The following SORCS1 variants were observed in gnomAD, a reference collection of about 807,000 sequenced individuals.
The protein encoded by SORCS1 is VPS10 domain-containing receptor SorCS1.
Under a neutral mutation model 146.1 loss-of-function variants are expected in SORCS1, and 60 were observed. The observed-to-expected ratio is 0.41, with a 90% CI of 0.33 to 0.51. SORCS1 has a LOEUF of 0.51. SORCS1 is among the 20% of genes least tolerant of loss of function. The pLI, the probability that SORCS1 is intolerant of heterozygous loss-of-function variation, is 0.21. For missense variants in SORCS1, 1,352 were observed against 1,487.6 expected, an observed-to-expected ratio of 0.91 and a Z score of 1.50; for synonymous variants, 637 against 584.0, an observed-to-expected ratio of 1.09 and a Z score of -1.31.
At chr10:106,811,098 T>A (rs1463228054) in intron 3 of SORCS1, among the ~76,000 whole-genome samples, 1 of 151,790 alleles carries the variant, frequency 6.6e-6, no homozygotes, top group Non-Finnish European at 1.5e-5. Context: ...TACCACCACA[T>A]CCGGCTAATT....
upstream of SORCS1, among the ~76,000 whole-genome samples, chr10:107,169,688 A>AT (rs1429926240): frequency 3.3e-5 from 5 of 152,142 alleles, no homozygotes; most frequent in African/African-American, 4.8e-5. Flanking sequence ...GCTCCAAAAG[A>AT]TAGGTAGGGG....
At chr10:106,737,263 C>T (rs981580434) in intron 5 of SORCS1, among the ~76,000 whole-genome samples, 2 of 152,128 alleles carry the variant, frequency 1.3e-5, no homozygotes, top group Admixed American at 6.5e-5. Context: ...ATGACCAGAC[C>T]TAAACCAGCC....
chr10:106,710,326 AATC>A (rs1244080155), intron 6 of SORCS1, among the ~76,000 whole-genome samples: 1 of 151,810 alleles, frequency 6.6e-6, no homozygotes, highest in Non-Finnish European at 1.5e-5. Flanking sequence ...AGGCACGTAA[AATC>A]ACAGCTACTC....
intron 2 of SORCS1, among the ~76,000 whole-genome samples, chr10:106,830,592 T>TA (rs142485362): frequency 0.016 from 2,298 of 146,058 alleles, 60 homozygotes; most frequent in African/African-American, 0.054. Context: ...TTTTTTTTTT[T>TA]AAAAAAATTT....
intron 1 of SORCS1, among the ~76,000 whole-genome samples, chr10:107,141,009 C>T (rs535651896): frequency 6.6e-6 from 1 of 152,346 alleles, no homozygotes; most frequent in South Asian, 2.1e-4. Flanking sequence ...CATCCACACT[C>T]TGAAGTCCTT....
At chr10:106,879,579 G>A (rs554607663) in intron 2 of SORCS1, among the ~76,000 whole-genome samples, 1 of 152,280 alleles carries the variant, frequency 6.6e-6, no homozygotes, top group African/African-American at 2.4e-5. Flanking sequence ...TTAAAATCAG[G>A]AGATTATCCT....
chr10:106,973,728 C>G (rs1050179927), intron 1 of SORCS1, among the ~76,000 whole-genome samples: 6 of 152,342 alleles, frequency 3.9e-5, no homozygotes, highest in East Asian at 1.9e-4. Flanking sequence ...AAATGCCCCA[C>G]AGGCTGCTCA....
At chr10:106,744,936 G>A (rs926954627) in intron 5 of SORCS1, among the ~76,000 whole-genome samples, 4 of 152,178 alleles carry the variant, frequency 2.6e-5, no homozygotes, top group Admixed American at 1.3e-4. Flanking sequence ...ATCAGTCACA[G>A]AGAAAGTGCA....
intron 1 of SORCS1, among the ~76,000 whole-genome samples, chr10:107,007,827 C>T (rs1251934745): frequency 7.1e-6 from 1 of 139,932 alleles, no homozygotes; most frequent in Non-Finnish European, 1.5e-5. Flanking sequence ...GGCCCAATTA[C>T]GCTTACTTGA....
At position 106,695,569 on chromosome 10, in the gene SORCS1, C is replaced by T. The variant is rs1175017027; in HGVS notation, c.1413+3645G>A. Among the ~76,000 whole-genome samples the T allele has an allele frequency of 4.6e-5, 7 of 152,166 alleles. No individual in the cohort carries two copies. The East Asian group carries it at 7.7e-4, about 17-fold the overall frequency. On this transcript the variant is annotated intron_variant, in intron 9 of 25. Transcript: ENST00000263054. The stretch of plus-strand genomic sequence containing the variant: ...GCTGTATTCCCTCTGCCTCCATTTA[C>T]TTATATTTGAAGTGAAAGTGACAAC...
chr10:106,684,501 T>C (rs755397642), intron 10 of SORCS1, among the ~76,000 whole-genome samples: 2 of 152,192 alleles, frequency 1.3e-5, no homozygotes, highest in African/African-American at 2.4e-5. Context: ...TGGACGCAGG[T>C]GGACCATGAC....
chr10:106,855,620 A>G (rs967245049), intron 2 of SORCS1, among the ~76,000 whole-genome samples: 1 of 152,074 alleles, frequency 6.6e-6, no homozygotes, highest in Non-Finnish European at 1.5e-5. Context: ...GGCATCATCA[A>G]TTTCAGAGAT....
intron 2 of SORCS1, among the ~76,000 whole-genome samples, chr10:106,893,626 G>T (rs1449909534): frequency 6.6e-6 from 1 of 152,182 alleles, no homozygotes; most frequent in Non-Finnish European, 1.5e-5. Flanking sequence ...GCCACATGTT[G>T]CATGCAAAAA....
In SORCS1 at chr10:106,652,550, G is replaced by T; in HGVS notation, c.2307C>A (p.Tyr769Ter). ...TGCAATTATTGGAAACCACCTTCCT[G>T]TACCTAAATGGAAAAAAGCTCAAGT... is the stretch of plus-strand genomic sequence containing the variant. ...LGQSYLNSTGYRKVVSNNCTD... is the reference protein window; with the variant it reads ...LGQSYLNSTG The change falls in exon 18 of 26, where the codon TAC (tyrosine) becomes TAA (stop). Residue 769 changes from tyrosine (Y) to a stop codon, truncating the protein, a stop_gained. Transcript: ENST00000263054. LOFTEE classifies it high-confidence loss of function. 6.2e-7 allele frequency: 1 copy of T among 1,611,410 alleles called. No individual in the cohort carries two copies. The highest frequency in any genetic ancestry group is 8.5e-7 in the Non-Finnish European group (1 of 1,178,102).
chr10:106,761,275 T>C (rs954834115), intron 5 of SORCS1, among the ~76,000 whole-genome samples: 3 of 152,194 alleles, frequency 2.0e-5, no homozygotes, highest in Non-Finnish European at 4.4e-5. Flanking sequence ...AAGTCACTAT[T>C]AGATTTTTTT....
intron 6 of SORCS1, among the ~76,000 whole-genome samples, chr10:106,723,900 T>C (rs1194922725): frequency 2.0e-5 from 3 of 152,012 alleles, no homozygotes; most frequent in Non-Finnish European, 2.9e-5. Flanking sequence ...TTACCCAGAA[T>C]AGACCAAAAA....
chr10:106,868,105 G>A (rs1022402915), intron 2 of SORCS1, among the ~76,000 whole-genome samples: 2 of 152,112 alleles, frequency 1.3e-5, no homozygotes, highest in African/African-American at 4.8e-5. Flanking sequence ...AGACAAAGAA[G>A]GGCATTACAT....
intron 2 of SORCS1, among the ~76,000 whole-genome samples, chr10:106,845,682 CCTAGGTTTTCTT>C (rs1324916554): frequency 1.6e-5 from 1 of 61,644 alleles, no homozygotes; most frequent in Non-Finnish European, 3.7e-5. Context: ...AATGGTAATG[CCTAGGTTTTCTT>C]CTAGGGTTTT....
At chr10:107,165,292 A>AGTGTGAGTGT (rs1554966847), upstream of SORCS1, among the ~76,000 whole-genome samples, 1 of 142,718 alleles carries the variant, frequency 7.0e-6, no homozygotes, top group Admixed American at 6.9e-5. The surrounding 1 kb of genome is among the most constrained non-coding windows in gnomAD (Gnocchi z 4.0). Flanking sequence ...CTCGTGTGTG[A>AGTGTGAGTGT]GTGTGTGTGT....
Sources: allele counts gnomAD v4.1 joint callset (sites outside exome capture counted in the v4.1 genomes callset), GRCh38; gene constraint gnomAD v4.1.1; non-coding constraint Gnocchi (gnomAD v3.1); transcripts MANE v1.5; gene names NCBI Gene and HGNC (gene_info 2026-07-23, HGNC 2026-07-21).